The following MAGI2 variants were observed in gnomAD, a reference collection of about 807,000 sequenced individuals.
The protein encoded by MAGI2 is membrane-associated guanylate kinase, WW and PDZ domain-containing protein 2.
A neutral mutation model predicts 133.3 loss-of-function variants in MAGI2; 35 were observed. The ratio of observed to expected loss-of-function variants is 0.26; its 90% CI spans 0.20 to 0.35. The LOEUF (loss-of-function observed/expected upper bound fraction) is 0.35. Ranked by LOEUF, MAGI2 falls within the 10% of genes least tolerant of loss-of-function variation. The pLI is 1.00. For synonymous variants in MAGI2, 729 were observed against 710.6 expected (o/e 1.03, Z -0.41); for missense variants, 1,636 against 1,863.4 (o/e 0.88, Z 2.25).
At chr7:79,130,481 C>G (rs1454932648) in intron 1 of MAGI2, among the ~76,000 whole-genome samples, 2 of 152,146 alleles carry the variant, frequency 1.3e-5, no homozygotes, top group East Asian at 3.9e-4. Flanking sequence ...CATTTGTGCA[C>G]TGCATAAGGA....
intron 2 of MAGI2, among the ~76,000 whole-genome samples, chr7:78,980,800 G>A (rs1301078291): frequency 2.0e-5 from 3 of 148,302 alleles, no homozygotes; most frequent in African/African-American, 7.4e-5. Flanking sequence ...TTTAAATATT[G>A]GAGTATATTG....
intron 2 of MAGI2, among the ~76,000 whole-genome samples, chr7:78,927,199 C>G (rs1799768942): frequency 6.6e-6 from 1 of 151,984 alleles, no homozygotes; most frequent in Non-Finnish European, 1.5e-5. Context: ...CAGAAAATAG[C>G]TATGTAGCCT....
chr7:78,653,973 G>A (rs910482501), intron 2 of MAGI2, among the ~76,000 whole-genome samples: 1 of 152,096 alleles, frequency 6.6e-6, no homozygotes, highest in African/African-American at 2.4e-5. Context: ...AATGAATATT[G>A]CTCCTTACAG....
Position 78,250,025 on chromosome 7 carries a change from G to T in MAGI2, c.2047+5918C>A, listed in dbSNP as rs533811627. 1.1e-4 allele frequency among the ~76,000 whole-genome samples: 9 copies of T among 85,458 alleles called. No homozygotes were observed. The East Asian group carries it at 4.6e-3, about 44-fold the overall frequency. 56.1% of individuals were successfully genotyped at this position (85,458 alleles called of 152,430 possible). ...ATACACTGTTTTTCTAATAGAAAAA[G>T]CCTGAAAGCAACAATATCCATTAGC... On this transcript the variant is annotated intron_variant, in intron 10 of 21. Coordinates refer to ENST00000354212, the MANE Select transcript of MAGI2 (RefSeq NM_012301.4).
intron 1 of MAGI2, among the ~76,000 whole-genome samples, chr7:79,325,142 C>G (rs1839591469): frequency 6.6e-6 from 1 of 152,078 alleles, no homozygotes. Flanking sequence ...GTCTCTCTGC[C>G]TCCAGTAACT....
At chr7:78,716,136 G>A (rs888843025) in intron 2 of MAGI2, among the ~76,000 whole-genome samples, 2 of 152,166 alleles carry the variant, frequency 1.3e-5, no homozygotes, top group Admixed American at 6.5e-5. Context: ...GTAGTAGAAC[G>A]CATAAAGATT....
At chr7:79,208,186 A>C (rs1198939867) in intron 1 of MAGI2, among the ~76,000 whole-genome samples, 1 of 151,930 alleles carries the variant, frequency 6.6e-6, no homozygotes, top group Non-Finnish European at 1.5e-5. Context: ...AGACAAATAG[A>C]ATTACATCAA....
At chr7:78,770,392 T>C (rs569411598) in intron 2 of MAGI2, among the ~76,000 whole-genome samples, 2 of 152,326 alleles carry the variant, frequency 1.3e-5, no homozygotes, top group East Asian at 1.9e-4. Flanking sequence ...TTCAAACTTA[T>C]TATATTTGAA....
intron 6 of MAGI2, among the ~76,000 whole-genome samples, chr7:78,446,690 A>G (rs80123097): frequency 0.024 from 2,948 of 120,340 alleles, 92 homozygotes; most frequent in African/African-American, 0.081. Context: ...CACTCTTTAC[A>G]GATGGTCATT....
chr7:79,211,766 T>A (rs1450527821), intron 1 of MAGI2, among the ~76,000 whole-genome samples: 1 of 152,088 alleles, frequency 6.6e-6, no homozygotes, highest in Non-Finnish European at 1.5e-5. Flanking sequence ...ACACAGGTTT[T>A]AAGACTGGGT....
chr7:78,204,554 A>T lies in MAGI2; in HGVS notation c.2048-3361T>A, dbSNP rs569934630. Reference sequence around the variant, plus strand: ...TAGTTTGTTTTAGTTTCTGGTCTTTATTTCCCCTACTTCTGTAGAAAGCTG... The same window carrying T: ...TAGTTTGTTTTAGTTTCTGGTCTTTTTTTCCCCTACTTCTGTAGAAAGCTG... On this transcript the variant is annotated intron_variant, in intron 10 of 21. Transcript: ENST00000354212. Among the ~76,000 whole-genome samples, 372 of 152,210 alleles carry T rather than the reference A, an allele frequency of 2.4e-3. 1 individual carries two copies. Among genetic ancestry groups the T allele is most frequent in the African/African-American group, 8.5e-3 (352 of 41,532 alleles).
intron 1 of MAGI2, among the ~76,000 whole-genome samples, chr7:79,174,691 A>T (rs1585119636): frequency 6.6e-6 from 1 of 150,806 alleles, no homozygotes; most frequent in East Asian, 1.9e-4. Flanking sequence ...AAAAATTTAA[A>T]TTTTTTAAAA....
At chr7:79,144,629 A>G (rs543079087) in intron 1 of MAGI2, among the ~76,000 whole-genome samples, 9 of 152,192 alleles carry the variant, frequency 5.9e-5, no homozygotes, top group Non-Finnish European at 1.0e-4. Context: ...GACTAATATA[A>G]GCACTTTATG....
chr7:79,157,972 G>A (rs73704257), intron 1 of MAGI2, among the ~76,000 whole-genome samples: 2 of 145,862 alleles, frequency 1.4e-5, no homozygotes, highest in African/African-American at 5.1e-5. Flanking sequence ...GTGTGTGTGT[G>A]TGTGTATTTA....
chr7:78,733,400 G>C (rs1435659984), intron 2 of MAGI2, among the ~76,000 whole-genome samples: 3 of 151,892 alleles, frequency 2.0e-5, no homozygotes, highest in African/African-American at 4.9e-5. Context: ...ATGTGAACAA[G>C]AGATGTATGT....
At chr7:78,653,788 A>C (rs994127436) in intron 2 of MAGI2, among the ~76,000 whole-genome samples, 4 of 152,166 alleles carry the variant, frequency 2.6e-5, no homozygotes, top group African/African-American at 7.2e-5. Context: ...AAAAAAAAAA[A>C]AAAACAAGGA....
intron 2 of MAGI2, among the ~76,000 whole-genome samples, chr7:78,933,264 A>G (rs968668762): frequency 1.3e-5 from 2 of 152,114 alleles, no homozygotes; most frequent in African/African-American, 4.8e-5. Flanking sequence ...CACAAATTTG[A>G]CTTTATTAAT....
At chr7:78,259,905 CAG>C (rs1793352927) in intron 9 of MAGI2, among the ~76,000 whole-genome samples, 2 of 152,234 alleles carry the variant, frequency 1.3e-5, no homozygotes, top group African/African-American at 4.8e-5. Context: ...TATTTAGAAA[CAG>C]AGTGAGAACT....
At chr7:78,441,447 A>G (rs1356740873) in intron 6 of MAGI2, among the ~76,000 whole-genome samples, 1 of 152,202 alleles carries the variant, frequency 6.6e-6, no homozygotes, top group Non-Finnish European at 1.5e-5. Context: ...AAGCTCTGCC[A>G]GCCATTAACA....
Sources: allele counts gnomAD v4.1 joint callset (sites outside exome capture counted in the v4.1 genomes callset), GRCh38; gene constraint gnomAD v4.1.1; transcripts MANE v1.5; gene names NCBI Gene and HGNC (gene_info 2026-07-23, HGNC 2026-07-21).